The following MYRFL variants were observed in gnomAD, a reference collection of about 807,000 sequenced individuals.
The protein encoded by MYRFL is myelin regulatory factor-like protein.
MYRFL carries 88 observed loss-of-function variants against 109.4 expected under a neutral mutation model. The ratio of observed to expected loss-of-function variants is 0.80; its 90% CI spans 0.68 to 0.96. The LOEUF (loss-of-function observed/expected upper bound fraction) is 0.96, where lower values mean the gene tolerates loss of function less well. MYRFL is among the 40% of genes least tolerant of loss of function. The pLI, the probability that MYRFL is intolerant of heterozygous loss-of-function variation, is 0.00. For synonymous variants in MYRFL, 324 were observed against 320.9 expected, an observed-to-expected ratio of 1.01 and a Z score of -0.10; for missense variants, 957 against 954.9, an observed-to-expected ratio of 1.00 and a Z score of -0.03.
At chr12:69,851,398 A>G (rs866581457) in intron 1 of MYRFL, among the ~76,000 whole-genome samples, 1 of 152,218 alleles carries the variant, frequency 6.6e-6, no homozygotes, top group Non-Finnish European at 1.5e-5. Flanking sequence ...AAAACAGAAC[A>G]TATTTCAGTT....
chr12:69,942,811 T>A (rs1955703978), intron 19 of MYRFL, among the ~76,000 whole-genome samples: 1 of 151,828 alleles, frequency 6.6e-6, no homozygotes, highest in Non-Finnish European at 1.5e-5. Context: ...CAAAATCTCC[T>A]TAAGCTGATA....
At chr12:69,944,980 A>C (rs1163063386) in intron 19 of MYRFL, among the ~76,000 whole-genome samples, 1 of 152,146 alleles carries the variant, frequency 6.6e-6, no homozygotes, top group Non-Finnish European at 1.5e-5. Context: ...CATTAATACA[A>C]ATTTTTTTAA....
chr12:69,954,092 T>C (rs1488881616), intron 21 of MYRFL, among the ~76,000 whole-genome samples: 2 of 152,196 alleles, frequency 1.3e-5, no homozygotes, highest in African/African-American at 2.4e-5. Context: ...TCAGTTAAAC[T>C]TGAAAAAGTT....
intron 13 of MYRFL, among the ~76,000 whole-genome samples, chr12:69,914,532 T>C (rs1014949464): frequency 6.6e-6 from 1 of 152,202 alleles, no homozygotes; most frequent in Non-Finnish European, 1.5e-5. Context: ...GGTAATGTCT[T>C]CCTGTGGCAG....
intron 5 of MYRFL, among the ~76,000 whole-genome samples, chr12:69,880,951 G>GGT (rs1555246956): frequency 5.3e-5 from 6 of 112,626 alleles, no homozygotes; most frequent in Admixed American, 1.0e-4. Context: ...CAGCCTTCCT[G>GGT]TTTTTTTTTT....
chr12:69,926,684 A>C lies in MYRFL; in HGVS notation c.1716A>C (p.Leu572=). 4.6e-6 allele frequency: 7 copies of C among 1,522,558 alleles called. No homozygotes were observed. Among genetic ancestry groups the C allele is most frequent in the Non-Finnish European group, 6.1e-6 (7 of 1,138,992 alleles). 94.3% of individuals were successfully genotyped at this position (1,522,558 alleles called of 1,614,324 possible). The change falls in exon 14 of 25, where the codon CTA becomes CTC. Residue 572 remains leucine (L), a synonymous_variant. Coordinates refer to ENST00000552032, the MANE Select transcript of MYRFL (RefSeq NM_182530.3). ...TATGGAACAGAAAGCTGGCCCGGCT[A>C]AAGCGGCTCAGTAGTTGGAAGTCAT... ...LEIWNRKLAR[L]KRLSSWKSSA...
chr12:69,871,231 CTT>C (rs58723853), intron 2 of MYRFL, among the ~76,000 whole-genome samples: 13 of 124,724 alleles, frequency 1.0e-4, no homozygotes, highest in East Asian at 2.2e-4. Context: ...TTGGATATTT[CTT>C]TTTTTTTTTT....
At chr12:69,952,359 T>G (rs921657314) in intron 20 of MYRFL, among the ~76,000 whole-genome samples, 184 bp downstream of exon 20, 1 of 152,208 alleles carries the variant, frequency 6.6e-6, no homozygotes, top group African/African-American at 2.4e-5. Context: ...TTAGAAATGG[T>G]CACTCACTGT....
chr12:69,957,897 C>T lies in MYRFL; in HGVS notation c.2526C>T (p.Thr842=), dbSNP rs1422636916. The T allele has an allele frequency of 4.6e-6, 7 of 1,534,848 alleles. No homozygotes were observed. In the African/African-American group the frequency reaches 5.5e-5, roughly 12 times the overall value. The change falls in exon 23 of 25, where the codon ACC becomes ACT. Residue 842 remains threonine (T), a synonymous_variant. Coordinates refer to ENST00000552032, the MANE Select transcript of MYRFL (RefSeq NM_182530.3). ...TATGTTTCCATAGTAAAAGGGGAAC[C>T]AAAGGGCTGGAAAGCCACAGAGAAA... ...GNICFHSKRG[T]KGLESHREIS...
intron 13 of MYRFL, among the ~76,000 whole-genome samples, chr12:69,918,217 C>T: frequency 6.6e-6 from 1 of 152,182 alleles, no homozygotes; most frequent in East Asian, 1.9e-4. Flanking sequence ...TCCAATGAGG[C>T]TTCATGTGCC....
At chr12:69,957,535 G>A (rs914185988) in intron 22 of MYRFL, among the ~76,000 whole-genome samples, 17 of 151,942 alleles carry the variant, frequency 1.1e-4, no homozygotes, top group South Asian at 4.1e-4. Flanking sequence ...AACCAGCCTG[G>A]GCAACATAGC....
chr12:69,880,938 G>T (rs1351714579), intron 5 of MYRFL, among the ~76,000 whole-genome samples: 2 of 125,526 alleles, frequency 1.6e-5, no homozygotes, highest in Admixed American at 1.7e-4. Context: ...ATGTCCAAGC[G>T]GTCAGCCTTC....
intron 11 of MYRFL, among the ~76,000 whole-genome samples, chr12:69,909,583 C>T (rs1424403893): frequency 1.3e-5 from 2 of 152,142 alleles, no homozygotes; most frequent in Non-Finnish European, 2.9e-5. Context: ...CTATCATTTA[C>T]AAAATCTCTC....
intron 10 of MYRFL, 37 bp from the exon 11 acceptor site, chr12:69,903,607 G>T (rs1283179407): frequency 6.5e-7 from 1 of 1,527,690 alleles, no homozygotes; most frequent in South Asian, 1.2e-5. Flanking sequence ...TCCTGCTACT[G>T]TTACTTTAAT....
intron 2 of MYRFL, 148 bp downstream of exon 2, chr12:69,855,518 C>A (rs1884223569): frequency 1.8e-6 from 1 of 545,808 alleles, no homozygotes. Flanking sequence ...TGACAAATAT[C>A]ACCACTGCAG....
chr12:69,890,178 A>T (rs1252321159), intron 6 of MYRFL, among the ~76,000 whole-genome samples: 2 of 152,152 alleles, frequency 1.3e-5, no homozygotes, highest in African/African-American at 4.8e-5. Context: ...CTGCTTTTTC[A>T]TGTGATCATC....
intron 19 of MYRFL, among the ~76,000 whole-genome samples, chr12:69,949,174 C>T (rs774379430): frequency 2.6e-5 from 4 of 151,770 alleles, no homozygotes; most frequent in Non-Finnish European, 5.9e-5. Context: ...GAGTGATTGT[C>T]CCCAAGTATT....
chr12:69,847,648 A>G (rs1883637248), intron 1 of MYRFL, among the ~76,000 whole-genome samples: 1 of 152,160 alleles, frequency 6.6e-6, no homozygotes, highest in Non-Finnish European at 1.5e-5. Flanking sequence ...CTCGCTCTTC[A>G]AATGACTTCT....
intron 5 of MYRFL, among the ~76,000 whole-genome samples, chr12:69,881,389 C>T (rs1886096806): frequency 6.6e-6 from 1 of 152,220 alleles, no homozygotes; most frequent in Non-Finnish European, 1.5e-5. Flanking sequence ...TTGAAGACTT[C>T]CTTCTTGGGT....
Sources: gnomAD v4.1 joint callset for allele counts (sites outside exome capture counted in the v4.1 genomes callset) on GRCh38, gnomAD v4.1.1 for gene constraint, MANE v1.5 for transcripts, NCBI Gene and HGNC (gene_info 2026-07-23, HGNC 2026-07-21) for gene names.